The following IPO11 variants were observed in gnomAD, a reference collection of about 807,000 sequenced individuals.
IPO11 encodes importin-11.
IPO11 carries 66 observed loss-of-function variants against 143.2 expected under a neutral mutation model. The ratio of observed to expected loss-of-function variants is 0.46; its 90% CI spans 0.38 to 0.57. The LOEUF (loss-of-function observed/expected upper bound fraction) is 0.57, where lower values mean the gene tolerates loss of function less well. Ranked by LOEUF, IPO11 falls within the 20% of genes least tolerant of loss-of-function variation. The pLI, the probability that IPO11 is intolerant of heterozygous loss-of-function variation, is 0.00. For synonymous variants in IPO11, 385 were observed against 377.8 expected (o/e 1.02, Z -0.22); for missense variants, 1,026 against 1,141.0 (o/e 0.90, Z 1.45).
intron 28 of IPO11, among the ~76,000 whole-genome samples, chr5:62,593,646 G>A (rs1745114061): frequency 6.6e-6 from 1 of 152,200 alleles, no homozygotes. Context: ...ACCAGTTTTA[G>A]GATCCCAGCT....
At chr5:62,450,497 A>G (rs984157882) in intron 4 of IPO11, among the ~76,000 whole-genome samples, 6 of 152,246 alleles carry the variant, frequency 3.9e-5, no homozygotes, top group Non-Finnish European at 5.9e-5. Context: ...TATAGCATAT[A>G]CAACTATTAC....
chr5:62,493,301 A>G (rs976891451), intron 15 of IPO11, among the ~76,000 whole-genome samples: 22 of 152,306 alleles, frequency 1.4e-4, no homozygotes, highest in African/African-American at 5.1e-4. Context: ...AGAAAATTAC[A>G]TACAGGAGCT....
intron 24 of IPO11, among the ~76,000 whole-genome samples, chr5:62,538,515 G>A (rs755811876): frequency 6.6e-6 from 1 of 152,060 alleles, no homozygotes; most frequent in Non-Finnish European, 1.5e-5. Context: ...TTTTATAAGG[G>A]CCTCCTCCCG....
intron 27 of IPO11, among the ~76,000 whole-genome samples, chr5:62,588,831 A>G (rs1222840982): frequency 6.6e-6 from 1 of 152,236 alleles, no homozygotes; most frequent in Non-Finnish European, 1.5e-5. Flanking sequence ...ATTCAACTGC[A>G]GTTGGACCTC....
chr5:62,443,621 G>A (rs1744591465), intron 3 of IPO11, among the ~76,000 whole-genome samples: 1 of 151,104 alleles, frequency 6.6e-6, no homozygotes, highest in Non-Finnish European at 1.5e-5. Context: ...AGAAATATAA[G>A]GTTAGGATTT....
intron 16 of IPO11, among the ~76,000 whole-genome samples, chr5:62,500,395 G>C (rs898454362): frequency 6.6e-6 from 1 of 152,168 alleles, no homozygotes; most frequent in Non-Finnish European, 1.5e-5. Context: ...ATATTCTAAA[G>C]TAACAATAAA....
chr5:62,545,926 A>G (rs6886500), intron 24 of IPO11, among the ~76,000 whole-genome samples: 2,488 of 152,298 alleles, frequency 0.016, 62 homozygotes, highest in African/African-American at 0.057. Context: ...TAGAATGGCA[A>G]CCATTAAAAA....
In IPO11 at chr5:62,437,253, AT is replaced by A; in HGVS notation, c.-6-20del. 1.3e-6 allele frequency: 2 copies of A among 1,573,872 alleles called. No individual in the cohort carries two copies. Among genetic ancestry groups the A allele is most frequent in the Non-Finnish European group, 1.7e-6 (2 of 1,160,920 alleles). On this transcript the variant is annotated intron_variant, in intron 1 of 29. Coordinates refer to ENST00000325324, the MANE Select transcript of IPO11 (RefSeq NM_016338.5). ...TATTACTTGTAATACATATTCAAGT[AT>A]GTTAACTTATCATTGCCAGGTTTCC...
At chr5:62,579,851 A>ACAG in intron 27 of IPO11, 1 of 1,548,970 alleles carries the variant, frequency 6.5e-7, no homozygotes, top group South Asian at 1.2e-5. Context: ...CGTAATTTAT[A>ACAG]TTTACAGTAT....
intron 19 of IPO11, among the ~76,000 whole-genome samples, chr5:62,507,923 T>G (rs1388500859): frequency 4.6e-5 from 7 of 152,342 alleles, no homozygotes; most frequent in Non-Finnish European, 8.8e-5. Flanking sequence ...GGTATAGTTA[T>G]TCAATATAGT....
chr5:62,485,023 C>T (rs1746348994), intron 11 of IPO11, among the ~76,000 whole-genome samples: 1 of 151,238 alleles, frequency 6.6e-6, no homozygotes, highest in Admixed American at 6.6e-5. Flanking sequence ...TCTTTAAATT[C>T]AAGAAATTTA....
At chr5:62,429,012 C>A (rs1743867362) in intron 1 of IPO11, among the ~76,000 whole-genome samples, 1 of 152,128 alleles carries the variant, frequency 6.6e-6, no homozygotes, top group South Asian at 2.1e-4. Flanking sequence ...CTTAAAAAAA[C>A]CAGCTTTATT....
intron 20 of IPO11, among the ~76,000 whole-genome samples, chr5:62,517,197 C>CA (rs35490837): frequency 5.3e-5 from 8 of 150,414 alleles, no homozygotes; most frequent in Non-Finnish European, 7.4e-5. Flanking sequence ...GACTCCGTCT[C>CA]AAAAAAAAGA....
chr5:62,450,635 T>A (rs1160061619), intron 4 of IPO11, among the ~76,000 whole-genome samples: 1 of 148,276 alleles, frequency 6.7e-6, no homozygotes, highest in Non-Finnish European at 1.5e-5. Flanking sequence ...TTAATGATTA[T>A]AATTTTTAGA....
chr5:62,441,252 C>T (rs974806543), intron 2 of IPO11, among the ~76,000 whole-genome samples: 5 of 152,050 alleles, frequency 3.3e-5, no homozygotes, highest in Non-Finnish European at 7.4e-5. Flanking sequence ...GGATGGAGTG[C>T]AATGGTGCGA....
intron 19 of IPO11, among the ~76,000 whole-genome samples, chr5:62,513,444 C>G (rs1183516849): frequency 8.6e-6 from 1 of 116,682 alleles, no homozygotes; most frequent in Admixed American, 9.1e-5. Flanking sequence ...CCGGACGGAG[C>G]GGCTGGCTGG....
chr5:62,500,531 T>C (rs1194159707), intron 16 of IPO11, among the ~76,000 whole-genome samples: 2 of 152,208 alleles, frequency 1.3e-5, no homozygotes, highest in Non-Finnish European at 2.9e-5. Context: ...AGGGTCTTGC[T>C]GTGTCACCCA....
intron 26 of IPO11, among the ~76,000 whole-genome samples, chr5:62,553,865 G>A (rs1301926920): frequency 2.0e-5 from 3 of 151,894 alleles, no homozygotes; most frequent in Non-Finnish European, 2.9e-5. Flanking sequence ...TGAATCTCTC[G>A]CCTCAGCCTC....
chr5:62,581,301 T>C, intron 27 of IPO11: 1 of 1,507,036 alleles, frequency 6.6e-7, no homozygotes, highest in East Asian at 2.5e-5. Context: ...AACATTCTGC[T>C]TTATAACTCA....
Sources: allele counts gnomAD v4.1 joint callset (sites outside exome capture counted in the v4.1 genomes callset), GRCh38; gene constraint gnomAD v4.1.1; transcripts MANE v1.5; gene names NCBI Gene and HGNC (gene_info 2026-07-23, HGNC 2026-07-21).